The following ARHGAP31 variants were observed in gnomAD, a reference collection of about 807,000 sequenced individuals.
ARHGAP31 encodes the protein Rho GTPase activating protein 31.
In ARHGAP31, 34 loss-of-function variants were observed where a neutral mutation model predicts 113.9. The observed-to-expected ratio is 0.30, with a 90% CI of 0.23 to 0.40. The LOEUF is 0.40. Ranked by LOEUF, ARHGAP31 falls within the 10% of genes least tolerant of loss-of-function variation. ARHGAP31 has a pLI of 1.00. For synonymous variants in ARHGAP31, 650 were observed against 684.8 expected, an observed-to-expected ratio of 0.95 and a Z score of 0.79; for missense variants, 1,548 against 1,767.1, an observed-to-expected ratio of 0.88 and a Z score of 2.22.
chr3:119,317,035 T>G (rs1223916336), intron 1 of ARHGAP31, among the ~76,000 whole-genome samples: 1 of 152,214 alleles, frequency 6.6e-6, no homozygotes, highest in East Asian at 1.9e-4. Flanking sequence ...TCCAGGTGTT[T>G]TGTTTTGCGT....
chr3:119,418,416 T>C lies in ARHGAP31; in HGVS notation c.*2152T>C, dbSNP rs1366150062. The stretch of plus-strand genomic sequence containing the variant: ...CAGAAAATGTGTCAGACAGGTTTTA[T>C]GTCAGCCTCAGTGCTCCTGCGGTGT... On this transcript the variant is annotated 3_prime_UTR_variant, in exon 12 of 12. Coordinates refer to ENST00000264245, the MANE Select transcript of ARHGAP31 (RefSeq NM_020754.4). The C allele has an allele frequency of 1.3e-5, 2 of 152,248 alleles. No homozygotes were observed. The highest frequency in any genetic ancestry group is 4.8e-5 in the African/African-American group (2 of 41,464). The allele number at this position is 152,248 out of a possible 1,614,324, so 9.4% of individuals were successfully genotyped here.
intron 1 of ARHGAP31, among the ~76,000 whole-genome samples, chr3:119,354,678 ATTTTTTTTT>A (rs762067141): frequency 1.6e-5 from 2 of 127,250 alleles, no homozygotes; most frequent in African/African-American, 3.0e-5. Context: ...TGCCGGGCTA[ATTTTTTTTT>A]TTTTTTTTTT....
intron 3 of ARHGAP31, among the ~76,000 whole-genome samples, chr3:119,380,495 C>T (rs901936140): frequency 2.6e-5 from 4 of 152,154 alleles, no homozygotes; most frequent in Admixed American, 6.5e-5. Flanking sequence ...AAGCAATCCT[C>T]CCACCTCAGC....
chr3:119,384,434 G>T (rs114164067), intron 6 of ARHGAP31, among the ~76,000 whole-genome samples: 100 of 152,252 alleles, frequency 6.6e-4, no homozygotes, highest in African/African-American at 2.4e-3. Flanking sequence ...ACAGAATACC[G>T]TAGACTGGGT....
At chr3:119,411,601 G>T (rs1208166214) in intron 11 of ARHGAP31, among the ~76,000 whole-genome samples, 2 of 152,142 alleles carry the variant, frequency 1.3e-5, no homozygotes, top group Admixed American at 1.3e-4. Flanking sequence ...TGATTTCTTA[G>T]TAATATCCCA....
At chr3:119,304,894 CAAAATAAAATAAAAT>C (rs71156741) in intron 1 of ARHGAP31, among the ~76,000 whole-genome samples, 408 of 144,950 alleles carry the variant, frequency 2.8e-3, no homozygotes, top group Non-Finnish European at 3.6e-3. Context: ...GACTCTGTCT[CAAAATAAAATAAAAT>C]AAAATAAAAT....
chr3:119,409,732 G>T lies in ARHGAP31; in HGVS notation c.1882G>T (p.Glu628Ter). 4 of 1,609,064 alleles carry T rather than the reference G, an allele frequency of 2.5e-6. No individual in the cohort carries two copies. The highest frequency in any genetic ancestry group is 3.4e-6 in the Non-Finnish European group (4 of 1,178,172). ...TGAGATGGAGTCCAGCACCCTGCAG[G>T]AGAGCCCCAGGGCCAGAGCCGAAGC... The part of the protein sequence containing the change: ...AGEMESSTLQ[E>*]SPRARAEAVL... The change falls in exon 11 of 12, where the codon GAG (glutamate) becomes TAG (stop). Residue 628 changes from glutamate to a stop codon, truncating the protein, a stop_gained. Transcript: ENST00000264245. LOFTEE classifies it low-confidence loss of function (END_TRUNC).
chr3:119,316,109 G>A (rs1413437605), intron 1 of ARHGAP31, among the ~76,000 whole-genome samples: 2 of 152,154 alleles, frequency 1.3e-5, no homozygotes, highest in Non-Finnish European at 2.9e-5. Context: ...TTAAAACTCT[G>A]GATGGGAATC....
chr3:119,408,699 G>A (rs894815037), intron 10 of ARHGAP31, among the ~76,000 whole-genome samples: 17 of 152,188 alleles, frequency 1.1e-4, no homozygotes, highest in Non-Finnish European at 1.9e-4. Context: ...GCTATGTGCC[G>A]AGCACAGTCC....
chr3:119,414,368 G>A lies in ARHGAP31; in HGVS notation c.2439G>A (p.Leu813=). 1.2e-6 allele frequency: 2 copies of A among 1,614,190 alleles called. No homozygotes were observed. Among genetic ancestry groups the A allele is most frequent in the Non-Finnish European group, 1.7e-6 (2 of 1,180,018 alleles). Residue 813 remains leucine, a synonymous_variant, in exon 12 of 12, where the codon TTG becomes TTA. Coordinates refer to ENST00000264245, the MANE Select transcript of ARHGAP31 (RefSeq NM_020754.4). ...AAAGAGAAGACTCATCCAGGAAATT[G>A]AGGACAGATCTCTACATAGACCAGC... ...GPEREDSSRK[L]RTDLYIDQLK... is the part of the protein sequence containing the mutation.
At chr3:119,347,033 AAGG>A (rs1240432150) in intron 1 of ARHGAP31, among the ~76,000 whole-genome samples, 2 of 152,190 alleles carry the variant, frequency 1.3e-5, no homozygotes, top group African/African-American at 4.8e-5. Flanking sequence ...TGTTGCTGGG[AAGG>A]AGAAAATAAA....
chr3:119,410,179 G>A (rs986451270), intron 11 of ARHGAP31, among the ~76,000 whole-genome samples: 12 of 152,320 alleles, frequency 7.9e-5, no homozygotes, highest in African/African-American at 2.9e-4. Flanking sequence ...TCCTGGATGG[G>A]CAGTTGTCTA....
At chr3:119,372,155 C>G (rs1444812924) in intron 3 of ARHGAP31, among the ~76,000 whole-genome samples, 1 of 151,972 alleles carries the variant, frequency 6.6e-6, no homozygotes, top group Non-Finnish European at 1.5e-5. Flanking sequence ...AATAATAGTT[C>G]TGTTTTTAGC....
chr3:119,415,967 C>G lies in ARHGAP31; in HGVS notation c.4038C>G (p.Ser1346Arg). The change falls in exon 12 of 12, where the codon AGC becomes AGG. Residue 1346 changes from serine (S) to arginine (R), a missense_variant. Transcript: ENST00000264245. ...GGTCAAGGCCAGGAAGACCTCAGAGCCTAATCTTATTCAGTCCTCCTTTCC... is the reference window on the plus strand; with the variant it reads ...GGTCAAGGCCAGGAAGACCTCAGAGGCTAATCTTATTCAGTCCTCCTTTCC... ...FHRSRPGRPQ[S>R]LILFSPPFPI... The G allele has an allele frequency of 6.2e-7, 1 of 1,614,172 alleles. No individual in the cohort carries two copies. Among genetic ancestry groups the G allele is most frequent in the Non-Finnish European group, 8.5e-7 (1 of 1,180,034 alleles).
rs2080762195 is a variant in ARHGAP31, at chr3:119,415,129, G to A, written c.3200G>A (p.Ser1067Asn). The change falls in exon 12 of 12, where the codon AGC becomes AAC. Residue 1067 changes from serine (S) to asparagine (N), a missense_variant. Physicochemically the swap from Ser to Asn is conservative, Grantham distance 46 (BLOSUM62 1). Transcript: ENST00000264245. ...CAAGGTGGTGTTCCTGGGCCAGAGA[G>A]CAGCAAGGAGAGTTCACCCAGCGTG... ...IRQGGVPGPE[S>N]SKESSPSVQD... The A allele has an allele frequency of 1.2e-6, 2 of 1,614,110 alleles. No homozygotes were observed. Among genetic ancestry groups the A allele is most frequent in the Admixed American group, 1.7e-5 (1 of 60,006 alleles).
chr3:119,300,194 A>T (rs2079568961), intron 1 of ARHGAP31, among the ~76,000 whole-genome samples: 1 of 152,198 alleles, frequency 6.6e-6, no homozygotes, highest in African/African-American at 2.4e-5. Flanking sequence ...TGATAATAAG[A>T]TTGATACGAA....
At chr3:119,359,557 T>C (rs148784650) in intron 1 of ARHGAP31, among the ~76,000 whole-genome samples, 2 of 151,892 alleles carry the variant, frequency 1.3e-5, no homozygotes, top group South Asian at 4.2e-4. Context: ...AGAAAGAAGT[T>C]AAAACAGGGA....
rs2080498835 is a variant in ARHGAP31, at chr3:119,390,955, C to T, written c.853C>T (p.His285Tyr). The T allele has an allele frequency of 6.2e-7, 1 of 1,614,084 alleles. No individual in the cohort carries two copies. Among genetic ancestry groups the T allele is most frequent in the African/African-American group, 1.3e-5 (1 of 74,934 alleles). Residue 285 changes from histidine (H) to tyrosine (Y), a missense_variant, in exon 7 of 12, where the codon CAC (histidine) becomes TAC (tyrosine). By Grantham distance (83) the His-to-Tyr change is moderately conservative (BLOSUM62 2). Coordinates refer to ENST00000264245, the MANE Select transcript of ARHGAP31 (RefSeq NM_020754.4). ...EIVPPMGTLF[H>Y]TVLELPDNKR... ...TGTCCCTCCCATGGGCACCCTCTTC[C>T]ACACTGTCCTTGAGTTACCAGACAA...
chr3:119,401,849 G>C lies in ARHGAP31; in HGVS notation c.1097G>C (p.Arg366Pro). 1.2e-6 allele frequency: 2 copies of C among 1,613,846 alleles called. No individual in the cohort carries two copies. The highest frequency in any genetic ancestry group is 1.7e-6 in the Non-Finnish European group (2 of 1,179,990). Residue 366 changes from arginine (R) to proline (P), a missense_variant, in exon 10 of 12, where the codon CGA becomes CCA. Transcript: ENST00000264245. ...EGKETKGNFN[R>P]TVTTGGFFIP... ...AAAGAAACCAAGGGAAATTTCAATC[G>C]AACAGTTACCACCGGTGGATTTTTC...
Sources: allele counts gnomAD v4.1 joint callset (sites outside exome capture counted in the v4.1 genomes callset), GRCh38; gene constraint gnomAD v4.1.1; transcripts MANE v1.5; gene names NCBI Gene and HGNC (gene_info 2026-07-23, HGNC 2026-07-21).